The following MAP2 variants were observed in gnomAD, a reference collection of about 807,000 sequenced individuals.
MAP2 encodes microtubule-associated protein 2.
Under a neutral mutation model 137.6 loss-of-function variants are expected in MAP2, and 14 were observed. The ratio of observed to expected loss-of-function variants is 0.10; its 90% CI spans 0.07 to 0.16. The LOEUF (loss-of-function observed/expected upper bound fraction) is 0.16, where lower values mean the gene tolerates loss of function less well. Ranked by LOEUF, MAP2 falls within the 10% of genes least tolerant of loss-of-function variation. The probability of loss-of-function intolerance (pLI) is 1.00; values close to 1 mark genes in which losing one functional copy is unlikely to be tolerated. For missense variants in MAP2, 2,088 were observed against 2,191.5 expected, an observed-to-expected ratio of 0.95 and a Z score of 0.94; for synonymous variants, 786 against 782.3, an observed-to-expected ratio of 1.00 and a Z score of -0.08.
chr2:209,683,237 C>T (rs961218626), intron 7 of MAP2, among the ~76,000 whole-genome samples: 1 of 152,166 alleles, frequency 6.6e-6, no homozygotes, highest in African/African-American at 2.4e-5. Context: ...TTACTTTCTT[C>T]AAGCTGTTTC....
intron 1 of MAP2, among the ~76,000 whole-genome samples, chr2:209,437,845 C>G (rs905254391): frequency 6.6e-6 from 1 of 151,482 alleles, no homozygotes; most frequent in South Asian, 2.1e-4. Context: ...TCCCCCTTAT[C>G]AGGACTTGTA....
chr2:209,722,295 G>C (rs774538075), intron 13 of MAP2, among the ~76,000 whole-genome samples: 1 of 152,194 alleles, frequency 6.6e-6, no homozygotes, highest in South Asian at 2.1e-4. Flanking sequence ...ATATTTCCCT[G>C]CAAGGGACAA....
At chr2:209,424,539 T>A (rs1423546922) in intron 1 of MAP2, among the ~76,000 whole-genome samples, 2 of 152,194 alleles carry the variant, frequency 1.3e-5, no homozygotes, top group Non-Finnish European at 2.9e-5. Context: ...GTGAGCTTGT[T>A]AGGTACCACT....
intron 3 of MAP2, among the ~76,000 whole-genome samples, chr2:209,595,721 A>G (rs1288841510): frequency 1.3e-5 from 2 of 152,240 alleles, no homozygotes; most frequent in East Asian, 1.9e-4. Flanking sequence ...TCCACCAGTG[A>G]TAGACTGGAT....
At chr2:209,495,462 C>A (rs989195561) in intron 1 of MAP2, among the ~76,000 whole-genome samples, 3 of 152,222 alleles carry the variant, frequency 2.0e-5, no homozygotes, top group East Asian at 1.9e-4. Flanking sequence ...GTGGGTGTCC[C>A]TCTGGGACAA....
intron 1 of MAP2, among the ~76,000 whole-genome samples, chr2:209,479,607 C>T (rs1009206984): frequency 4.6e-5 from 7 of 151,834 alleles, no homozygotes; most frequent in Admixed American, 1.3e-4. Context: ...GAACCAAAGG[C>T]GAGATATATG....
At chr2:209,718,468 T>A (rs563314454) in intron 13 of MAP2, among the ~76,000 whole-genome samples, 9 of 152,226 alleles carry the variant, frequency 5.9e-5, no homozygotes, top group Admixed American at 5.9e-4. Flanking sequence ...TCAAAATGAC[T>A]GTTGTACTCA....
In MAP2 at chr2:209,602,111, C is replaced by G. The variant is rs1211884678; in HGVS notation, c.-107+22011C>G. 2.0e-5 allele frequency among the ~76,000 whole-genome samples: 3 copies of G among 152,222 alleles called. No homozygotes were observed. The East Asian group carries it at 5.8e-4, about 29-fold the overall frequency. ...CTGCTTGTCACCTTTTGAATTTTAT[C>G]TAGTTTGGAAAGGAAATCGACCAAT... On this transcript the variant is annotated intron_variant, in intron 3 of 15. Transcript: ENST00000682079.
In MAP2 at chr2:209,568,016, A is replaced by G. The variant is rs374959519; in HGVS notation, c.-171-12020A>G. On this transcript the variant is annotated intron_variant, in intron 2 of 15. Transcript: ENST00000682079. Reference sequence around the variant, plus strand: ...ATCAATAGGAGAATTTGGAACTTTCATGCACATGTAGATGTACTTGAATAC... The same window carrying G: ...ATCAATAGGAGAATTTGGAACTTTCGTGCACATGTAGATGTACTTGAATAC... Among the ~76,000 whole-genome samples, 8 of 151,968 alleles carry G rather than the reference A, an allele frequency of 5.3e-5. No individual in the cohort carries two copies. The East Asian group carries it at 1.5e-3, about 29-fold the overall frequency.
At chr2:209,501,059 C>T (rs2060322373) in intron 1 of MAP2, among the ~76,000 whole-genome samples, 1 of 144,744 alleles carries the variant, frequency 6.9e-6, no homozygotes, top group Non-Finnish European at 1.5e-5. Flanking sequence ...AAAAAGCCTA[C>T]TCTATACCTT....
chr2:209,540,741 A>G (rs2066882365), intron 2 of MAP2, among the ~76,000 whole-genome samples: 1 of 149,850 alleles, frequency 6.7e-6, no homozygotes, highest in South Asian at 2.1e-4. Flanking sequence ...TTGTTAAGTA[A>G]TAGTCCTAAA....
chr2:209,659,559 C>G (rs1057299958), intron 5 of MAP2, among the ~76,000 whole-genome samples: 4 of 152,158 alleles, frequency 2.6e-5, no homozygotes, highest in Non-Finnish European at 5.9e-5. Flanking sequence ...CTGCCACATT[C>G]ATGTAATTTT....
chr2:209,720,081 A>T (rs1220493880), intron 13 of MAP2, among the ~76,000 whole-genome samples: 1 of 152,220 alleles, frequency 6.6e-6, no homozygotes, highest in Non-Finnish European at 1.5e-5. Flanking sequence ...TATAGAATAT[A>T]GCAGAGTCTG....
In MAP2 at chr2:209,733,653, T is replaced by A. The variant is rs1300691120; in HGVS notation, c.*3256T>A. The A allele has an allele frequency of 1.3e-5, 2 of 152,186 alleles. No individual in the cohort carries two copies. Among genetic ancestry groups the A allele is most frequent in the Non-Finnish European group, 2.9e-5 (2 of 68,024 alleles). 9.4% of individuals were successfully genotyped at this position (152,186 alleles called of 1,614,324 possible). A position where few individuals can be genotyped will look rare whatever the true frequency, so the allele number is the denominator to read the frequency against. On this transcript the variant is annotated 3_prime_UTR_variant, in exon 16 of 16. Transcript: ENST00000682079. Reference sequence around the variant, plus strand: ...AATAAGGAAAATAAACTACTCATGGTCTAAATACTAGAGATAAAGTAGATT... The same window carrying A: ...AATAAGGAAAATAAACTACTCATGGACTAAATACTAGAGATAAAGTAGATT...
chr2:209,662,286 G>A (rs1288877236), intron 5 of MAP2, among the ~76,000 whole-genome samples: 7 of 152,170 alleles, frequency 4.6e-5, no homozygotes, highest in African/African-American at 7.2e-5. Context: ...CATGCACTGT[G>A]GAAATCAGTC....
At chr2:209,469,031 T>C (rs191796558) in intron 1 of MAP2, among the ~76,000 whole-genome samples, 1 of 152,316 alleles carries the variant, frequency 6.6e-6, no homozygotes, top group East Asian at 1.9e-4. Flanking sequence ...AACCAGGTCA[T>C]GAAATCTTAC....
At chr2:209,661,469 A>G in intron 5 of MAP2, 2 of 972,618 alleles carry the variant, frequency 2.1e-6, no homozygotes, top group Non-Finnish European at 2.4e-6. Flanking sequence ...CTCCGCAGAG[A>G]GAGGAGTGTG....
At chr2:209,481,074 G>A (rs758001969) in intron 1 of MAP2, among the ~76,000 whole-genome samples, 14 of 152,160 alleles carry the variant, frequency 9.2e-5, no homozygotes, top group Admixed American at 9.2e-4. Flanking sequence ...CAGCCTTCAC[G>A]TATCAGGGAA....
At chr2:209,462,026 T>A (rs1021631655) in intron 1 of MAP2, among the ~76,000 whole-genome samples, 15 of 152,218 alleles carry the variant, frequency 9.9e-5, no homozygotes, top group Admixed American at 9.2e-4. Flanking sequence ...TACCTCATGC[T>A]TATTTTATGA....
Sources: gnomAD v4.1 joint callset for allele counts (sites outside exome capture counted in the v4.1 genomes callset) on GRCh38, gnomAD v4.1.1 for gene constraint, MANE v1.5 for transcripts, NCBI Gene and HGNC (gene_info 2026-07-23, HGNC 2026-07-21) for gene names.